Variants in ECSIT observed in about 807,000 individuals in gnomAD.
ECSIT encodes ECSIT signaling integrator, also known as evolutionarily conserved signaling intermediate in Toll pathway, mitochondrial.
In ECSIT, 29 loss-of-function variants were observed where a neutral mutation model predicts 36.8. The ratio of observed to expected loss-of-function variants is 0.79; its 90% CI spans 0.59 to 1.08. The LOEUF (loss-of-function observed/expected upper bound fraction) is 1.08, where lower values mean the gene tolerates loss of function less well. Among genes scored for constraint, ECSIT ranks in the 50% least tolerant of loss-of-function variants. The pLI is 0.00. For missense variants in ECSIT, 542 were observed against 581.0 expected (o/e 0.93, Z 0.69); for synonymous variants, 231 against 234.8 (o/e 0.98, Z 0.15).
At chr19:11,508,454 T>G (rs1261132917) in intron 4 of ECSIT, among the ~76,000 whole-genome samples, 1 of 150,542 alleles carries the variant, frequency 6.6e-6, no homozygotes, top group Admixed American at 6.6e-5. Flanking sequence ...GGCATGATCA[T>G]AGCTCACTGT....
At chr19:11,508,644 C>T (rs1330827271) in intron 4 of ECSIT, among the ~76,000 whole-genome samples, 1 of 152,048 alleles carries the variant, frequency 6.6e-6, no homozygotes, top group Non-Finnish European at 1.5e-5. Flanking sequence ...CCTCCGCCTC[C>T]TGGGTTCAAG....
At chr19:11,512,732 C>T (rs1971895238) in intron 4 of ECSIT, among the ~76,000 whole-genome samples, 1 of 149,940 alleles carries the variant, frequency 6.7e-6, no homozygotes, top group African/African-American at 2.5e-5. Context: ...CCCAGGAGTT[C>T]AAGGCCAGCC....
intron 1 of ECSIT, among the ~76,000 whole-genome samples, chr19:11,520,646 G>A (rs1161276432): frequency 1.3e-5 from 2 of 151,664 alleles, no homozygotes; most frequent in African/African-American, 4.8e-5. Context: ...CTGAGTAGCT[G>A]GGACTATAGG....
At chr19:11,521,617 AAAAC>A (rs1008433227) in intron 1 of ECSIT, among the ~76,000 whole-genome samples, 9 of 152,180 alleles carry the variant, frequency 5.9e-5, no homozygotes, top group African/African-American at 2.2e-4. Context: ...AAAAAACAAA[AAAAC>A]AAAAATTAGC....
chr19:11,507,337 C>G, intron 7 of ECSIT, 120 bp downstream of exon 7: 1 of 755,196 alleles, frequency 1.3e-6, no homozygotes, highest in Non-Finnish European at 2.3e-6. Flanking sequence ...AGTGCAGTGG[C>G]TCTATAATAG....
chr19:11,522,517 G>A (rs1235286217), intron 1 of ECSIT: 3 of 918,902 alleles, frequency 3.3e-6, no homozygotes, highest in African/African-American at 3.3e-5. Context: ...CCCTCACCCA[G>A]GTGTGCCCCA....
chr19:11,523,677 CA>C (rs1972153890), intron 1 of ECSIT: 1 of 730,160 alleles, frequency 1.4e-6, no homozygotes, highest in South Asian at 1.4e-5. Context: ...AGGTTGATGA[CA>C]ACAAGAAACT....
At chr19:11,525,336 C>T (rs1972191876) in intron 1 of ECSIT, among the ~76,000 whole-genome samples, 2 of 151,802 alleles carry the variant, frequency 1.3e-5, no homozygotes, top group African/African-American at 4.8e-5. Flanking sequence ...TAGCCAGACA[C>T]TGTCTCTATA....
intron 1 of ECSIT, chr19:11,523,558 C>G (rs1972151823): frequency 9.4e-7 from 1 of 1,068,172 alleles, no homozygotes; most frequent in South Asian, 1.3e-5. Context: ...CTGCCAAAGC[C>G]TTAGACAAGC....
At chr19:11,515,227 C>T (rs1464356730) in intron 2 of ECSIT, among the ~76,000 whole-genome samples, 1 of 151,804 alleles carries the variant, frequency 6.6e-6, no homozygotes, top group African/African-American at 2.4e-5. Context: ...CCTCAGCCTC[C>T]TGAGTAGCTG....
chr19:11,506,912 C>T (rs1156611215), intron 7 of ECSIT, among the ~76,000 whole-genome samples: 3 of 152,200 alleles, frequency 2.0e-5, no homozygotes, highest in African/African-American at 7.2e-5. Context: ...ACACTTCACC[C>T]GGGCGATGAC....
At chr19:11,522,803 G>A (rs1365307454) in intron 1 of ECSIT, among the ~76,000 whole-genome samples, 1 of 152,178 alleles carries the variant, frequency 6.6e-6, no homozygotes, top group Non-Finnish European at 1.5e-5. Flanking sequence ...GGGCACGGTG[G>A]CTCACGCCTG....
chr19:11,513,347 G>C, intron 3 of ECSIT, 68 bp from the exon 4 acceptor site: 1 of 1,296,134 alleles, frequency 7.7e-7, no homozygotes, highest in East Asian at 2.3e-5. Context: ...GAGGAGAAAA[G>C]AAAACAGTGA....
intron 4 of ECSIT, among the ~76,000 whole-genome samples, chr19:11,509,027 T>A (rs929055288): frequency 1.3e-5 from 2 of 152,284 alleles, no homozygotes; most frequent in South Asian, 4.1e-4. Flanking sequence ...TTTTTATCTT[T>A]TAAAATTTTA....
chr19:11,510,858 G>A (rs1432411950), intron 4 of ECSIT, among the ~76,000 whole-genome samples: 1 of 151,468 alleles, frequency 6.6e-6, no homozygotes, highest in African/African-American at 2.4e-5. Flanking sequence ...CATCCACACG[G>A]CTGCCAGGAG....
chr19:11,525,969 A>ATTTTT (rs202091907), intron 1 of ECSIT, among the ~76,000 whole-genome samples: 1 of 143,692 alleles, frequency 7.0e-6, no homozygotes, highest in Non-Finnish European at 1.5e-5. Context: ...TGGAATCTGC[A>ATTTTT]TTTTTTTTTT....
intron 1 of ECSIT, among the ~76,000 whole-genome samples, chr19:11,526,744 G>A (rs1419887871): frequency 1.4e-5 from 2 of 140,102 alleles, no homozygotes; most frequent in Admixed American, 7.3e-5. Context: ...TTTGGAGACA[G>A]AGTCTCACTC....
At chr19:11,516,469 G>A (rs1971999938) in intron 2 of ECSIT, 1 of 151,536 alleles carries the variant, frequency 6.6e-6, no homozygotes, top group South Asian at 2.1e-4. Flanking sequence ...GGGCAACATA[G>A]TGAGACTCCA....
chr19:11,519,278 C>T lies in ECSIT; in HGVS notation c.-23-85G>A. 1.1e-6 allele frequency: 1 copy of T among 875,966 alleles called. No homozygotes were observed. The highest frequency in any genetic ancestry group is 1.8e-6 in the Non-Finnish European group (1 of 545,006). The allele number at this position is 875,966 out of a possible 1,614,324, so 54.3% of individuals were successfully genotyped here. ...GGCCCCGCAGGGTCGAGGGCACACT[C>T]CAGATTATGTGGCTCACTCACCAGC... On this transcript the variant is annotated intron_variant, in intron 1 of 7. Coordinates refer to ENST00000270517, the MANE Select transcript of ECSIT (RefSeq NM_016581.5). This position sits in a 1 kb window ranked among gnomAD's most constrained non-coding sequence, Gnocchi z 4.4.
Sources: allele counts gnomAD v4.1 joint callset (sites outside exome capture counted in the v4.1 genomes callset), GRCh38; gene constraint gnomAD v4.1.1; non-coding constraint Gnocchi (gnomAD v3.1); transcripts MANE v1.5; gene names NCBI Gene and HGNC (gene_info 2026-07-23, HGNC 2026-07-21).